The following UBL3 variants were observed in gnomAD, a reference collection of about 807,000 sequenced individuals.
UBL3 encodes the protein ubiquitin-like protein 3.
In UBL3, 6 loss-of-function variants were observed where a neutral mutation model predicts 18.4. That is an observed-to-expected ratio of 0.33 (90% confidence interval 0.18 to 0.64). UBL3 has a LOEUF of 0.64. UBL3 is among the 30% of genes least tolerant of loss of function. The pLI is 0.76. For missense variants in UBL3, 109 were observed against 142.9 expected (o/e 0.76, Z 1.21); for synonymous variants, 49 against 46.6 (o/e 1.05, Z -0.21).
chr13:29,807,387 C>A (rs1303940823), intron 1 of UBL3, among the ~76,000 whole-genome samples: 1 of 152,132 alleles, frequency 6.6e-6, no homozygotes, highest in South Asian at 2.1e-4. Flanking sequence ...GCATAAGAAT[C>A]GAGACTGCCA....
intron 1 of UBL3, among the ~76,000 whole-genome samples, chr13:29,828,235 G>A (rs1188367662): frequency 6.6e-6 from 1 of 152,146 alleles, no homozygotes; most frequent in Non-Finnish European, 1.5e-5. Context: ...TGCATTGCTA[G>A]GTTGGGGAAG....
In UBL3 at chr13:29,767,655, C is replaced by T. The variant is rs763343839; in HGVS notation, c.264G>A (p.Leu88=). Residue 88 remains leucine, a synonymous_variant, in exon 4 of 5, where the codon TTG becomes TTA. Coordinates refer to ENST00000380680, the MANE Select transcript of UBL3 (RefSeq NM_007106.4). ...GCTCTGGTAATGTCTCTCTGGCCAC[C>T]AAATGCATCACTGTTGTTTTGCCAA... The part of the protein sequence containing the change: ...LPFGKTTVMH[L]VARETLPEPN... The T allele has an allele frequency of 1.2e-6, 2 of 1,613,062 alleles. No individual in the cohort carries two copies. The highest frequency in any genetic ancestry group is 2.2e-5 in the South Asian group (2 of 91,042).
At chr13:29,771,798 A>C (rs745936668) in intron 3 of UBL3, among the ~76,000 whole-genome samples, 1 of 152,056 alleles carries the variant, frequency 6.6e-6, no homozygotes, top group Non-Finnish European at 1.5e-5. Context: ...GTCCAGTCTT[A>C]AGTTTAAAAT....
At position 29,849,895 on chromosome 13, in the gene UBL3, G is replaced by C; in HGVS notation, c.-357C>G. On this transcript the variant is annotated 5_prime_UTR_variant, in exon 1 of 5. Transcript: ENST00000380680. ...AGAGGGGTGGGAGGGGGTTAAATGCGCCTTCCTCCTTTCCCAGCCCCGGCA... is the reference window on the plus strand; with the variant it reads ...AGAGGGGTGGGAGGGGGTTAAATGCCCCTTCCTCCTTTCCCAGCCCCGGCA... 1 of 417,722 alleles carries C rather than the reference G, an allele frequency of 2.4e-6. No individual in the cohort carries two copies. The highest frequency in any genetic ancestry group is 2.4e-5 in the South Asian group (1 of 41,294). The allele number at this position is 417,722 out of a possible 1,614,324, so 25.9% of individuals were successfully genotyped here.
intron 1 of UBL3, among the ~76,000 whole-genome samples, chr13:29,826,583 T>C (rs1878625349): frequency 6.6e-6 from 1 of 152,204 alleles, no homozygotes; most frequent in Non-Finnish European, 1.5e-5. Context: ...TTGATTCTTC[T>C]TTATTAGTCT....
intron 1 of UBL3, among the ~76,000 whole-genome samples, chr13:29,807,059 A>C (rs777866133): frequency 1.3e-5 from 2 of 152,218 alleles, no homozygotes; most frequent in Admixed American, 6.5e-5. Context: ...GATACCAAAA[A>C]GGAATTGGTA....
At chr13:29,771,419 CAATT>C (rs1173017787) in intron 3 of UBL3, among the ~76,000 whole-genome samples, 1 of 152,020 alleles carries the variant, frequency 6.6e-6, no homozygotes, top group Non-Finnish European at 1.5e-5. Flanking sequence ...TAATAGCTAA[CAATT>C]AAGGTGTTTA....
intron 1 of UBL3, 182 bp from the exon 2 acceptor site, chr13:29,777,445 C>G (rs1334517824): frequency 2.9e-6 from 2 of 687,692 alleles, no homozygotes; most frequent in Non-Finnish European, 5.2e-6. Context: ...ATTTTATTTC[C>G]TATTATTTAA....
At chr13:29,826,935 G>A (rs945646684) in intron 1 of UBL3, among the ~76,000 whole-genome samples, 4 of 151,980 alleles carry the variant, frequency 2.6e-5, no homozygotes, top group South Asian at 2.1e-4. Flanking sequence ...CCTTCATTTC[G>A]TTATGTACCC....
chr13:29,781,532 A>G (rs1353598666), intron 1 of UBL3, among the ~76,000 whole-genome samples: 1 of 152,078 alleles, frequency 6.6e-6, no homozygotes, highest in Non-Finnish European at 1.5e-5. Context: ...AATATAAATG[A>G]TTTTCTTAAG....
At chr13:29,837,966 C>A (rs1195230200) in intron 1 of UBL3, among the ~76,000 whole-genome samples, 1 of 140,924 alleles carries the variant, frequency 7.1e-6, no homozygotes, top group Non-Finnish European at 1.6e-5. Context: ...TCCCAAATGA[C>A]AAAAGATAGT....
intron 1 of UBL3, 40 bp from the exon 2 acceptor site, chr13:29,777,303 A>T (rs1320897642): frequency 6.6e-7 from 1 of 1,519,462 alleles, no homozygotes; most frequent in Non-Finnish European, 8.9e-7. Context: ...AAATCTAAAA[A>T]TTTTTTAAGT....
intron 1 of UBL3, among the ~76,000 whole-genome samples, chr13:29,780,592 T>C (rs1050798629): frequency 6.6e-5 from 10 of 151,984 alleles, no homozygotes; most frequent in South Asian, 2.1e-4. Context: ...AGTTTCGTTA[T>C]AAATTCCTTT....
At chr13:29,805,913 A>C (rs1877886246) in intron 1 of UBL3, among the ~76,000 whole-genome samples, 1 of 152,224 alleles carries the variant, frequency 6.6e-6, no homozygotes, top group Non-Finnish European at 1.5e-5. Flanking sequence ...ATGGTGGCTC[A>C]TGCCTGTAAT....
At chr13:29,799,142 A>G (rs1259494335) in intron 1 of UBL3, among the ~76,000 whole-genome samples, 2 of 152,132 alleles carry the variant, frequency 1.3e-5, no homozygotes, top group Non-Finnish European at 2.9e-5. Flanking sequence ...GCATTGTAGG[A>G]GGTATAATAT....
At chr13:29,839,165 T>C (rs560787205) in intron 1 of UBL3, among the ~76,000 whole-genome samples, 45 of 152,130 alleles carry the variant, frequency 3.0e-4, no homozygotes, top group Non-Finnish European at 5.6e-4. Context: ...TCAAGTGTGA[T>C]ACAATAGATT....
chr13:29,809,843 C>T (rs1877994484), intron 1 of UBL3, among the ~76,000 whole-genome samples: 2 of 152,136 alleles, frequency 1.3e-5, no homozygotes, highest in Admixed American at 6.6e-5. Flanking sequence ...TATAACCTAG[C>T]ACATCCTCCT....
intron 1 of UBL3, among the ~76,000 whole-genome samples, chr13:29,827,820 G>A (rs1488887002): frequency 1.3e-5 from 2 of 152,212 alleles, no homozygotes; most frequent in Non-Finnish European, 2.9e-5. Context: ...GCTGGTACCT[G>A]TTGTTGCTTT....
At chr13:29,834,901 T>C (rs1878877882) in intron 1 of UBL3, among the ~76,000 whole-genome samples, 1 of 151,278 alleles carries the variant, frequency 6.6e-6, no homozygotes, top group Non-Finnish European at 1.5e-5. Context: ...TAGTAGCACC[T>C]ACCTACCTGA....
Sources: allele counts gnomAD v4.1 joint callset (sites outside exome capture counted in the v4.1 genomes callset), GRCh38; gene constraint gnomAD v4.1.1; transcripts MANE v1.5; gene names NCBI Gene and HGNC (gene_info 2026-07-23, HGNC 2026-07-21).